The following ZNF223 variants were observed in gnomAD, a reference collection of about 807,000 sequenced individuals.
The protein encoded by ZNF223 is Homo sapiens zinc finger protein 223.
A neutral mutation model predicts 12.3 loss-of-function variants in ZNF223; 9 were observed. The ratio of observed to expected loss-of-function variants is 0.73; its 90% confidence interval spans 0.44 to 1.28. The LOEUF is 1.28. Among genes scored for constraint, ZNF223 ranks in the 50% most tolerant of loss-of-function variants. The pLI is 0.00. For synonymous variants in ZNF223, 171 were observed against 195.2 expected, an observed-to-expected ratio of 0.88 and a Z score of 1.03; for missense variants, 506 against 579.0, an observed-to-expected ratio of 0.87 and a Z score of 1.29.
chr19:44,059,723 G>T (rs1481257263), intron 2 of ZNF223, among the ~76,000 whole-genome samples: 1 of 152,156 alleles, frequency 6.6e-6, no homozygotes, highest in Non-Finnish European at 1.5e-5. Flanking sequence ...TGGTTGTTTG[G>T]CTCAGACCTT....
intron 1 of ZNF223, among the ~76,000 whole-genome samples, 175 bp downstream of exon 1, chr19:44,052,370 C>T (rs575184357): frequency 1.3e-5 from 2 of 152,266 alleles, no homozygotes; most frequent in African/African-American, 4.8e-5. Flanking sequence ...TGTGTACACT[C>T]TTTCTCGCAG....
At chr19:44,056,585 A>ATTTTTTTTTTTTTTTT (rs775187674) in intron 2 of ZNF223, among the ~76,000 whole-genome samples, 11 of 72,156 alleles carry the variant, frequency 1.5e-4, no homozygotes, top group African/African-American at 6.7e-4. Context: ...ATGCCTCACC[A>ATTTTTTTTTTTTTTTT]TTTTTTTTTT....
At chr19:44,063,527 C>G (rs925970320) in intron 4 of ZNF223, 1 of 152,280 alleles carries the variant, frequency 6.6e-6, no homozygotes, top group African/African-American at 2.4e-5. Flanking sequence ...GTCACATGAA[C>G]TGTGTGAAAG....
In ZNF223 at chr19:44,057,837, C is replaced by T. The variant is rs117327963; in HGVS notation, c.16-2618C>T. Among the ~76,000 whole-genome samples the T allele has an allele frequency of 1.2e-3, 185 of 152,336 alleles. 3 individuals carry two copies. The East Asian group carries it at 0.026, about 22-fold the overall frequency. On this transcript the variant is annotated intron_variant, in intron 2 of 4. Coordinates refer to ENST00000434772, the MANE Select transcript of ZNF223 (RefSeq NM_013361.6). Reference sequence around the variant, plus strand: ...GTTCACTGTGCACTGATTACCAACTCGTGTGAGTCCTGTGGGACAGAACAC... The same window carrying T: ...GTTCACTGTGCACTGATTACCAACTTGTGTGAGTCCTGTGGGACAGAACAC...
At position 44,060,683 on chromosome 19, in the gene ZNF223, A is replaced by G. The variant is rs559215051; in HGVS notation, c.143-66A>G. 4.7e-4 allele frequency: 756 copies of G among 1,613,768 alleles called. 9 individuals are homozygous for G. In the South Asian group the frequency reaches 7.4e-3, roughly 16 times the overall value. On this transcript the variant is annotated intron_variant, in intron 3 of 4. Coordinates refer to ENST00000434772, the MANE Select transcript of ZNF223 (RefSeq NM_013361.6). ...TGTGCAGTGGGAACCTAAATTTCCAATAAGTGTTACCGTGATATTATCTAG... is the reference window on the plus strand; with the variant it reads ...TGTGCAGTGGGAACCTAAATTTCCAGTAAGTGTTACCGTGATATTATCTAG...
rs932620995 is a variant in ZNF223 at position 44,066,337 on chromosome 19, G to C, written c.509G>C (p.Arg170Pro). 2 of 1,614,062 alleles carry C rather than the reference G, an allele frequency of 1.2e-6. No homozygotes were observed. Among genetic ancestry groups the C allele is most frequent in the Admixed American group, 1.7e-5 (1 of 60,010 alleles). Residue 170 changes from arginine to proline, a missense_variant, in exon 5 of 5, where the codon CGC becomes CCC. Coordinates refer to ENST00000434772, the MANE Select transcript of ZNF223 (RefSeq NM_013361.6). ...MSIFDLPQQIRSAEKSHSCDE... is the reference protein window; with the variant it reads ...MSIFDLPQQIPSAEKSHSCDE... ...ATCTTTGATCTTCCTCAGCAAATAC[G>C]CTCAGCAGAGAAGTCTCATTCCTGT... is the stretch of plus-strand genomic sequence containing the variant.
chr19:44,056,584 C>CTTTTTTTT (rs1568512087), intron 2 of ZNF223, among the ~76,000 whole-genome samples: 2 of 78,372 alleles, frequency 2.6e-5, no homozygotes, highest in Admixed American at 1.7e-4. Flanking sequence ...AATGCCTCAC[C>CTTTTTTTT]ATTTTTTTTT....
In ZNF223 at chr19:44,056,689, G is replaced by T. The variant is rs561097067; in HGVS notation, c.15+1498G>T. On this transcript the variant is annotated intron_variant, in intron 2 of 4. Transcript: ENST00000434772. ...GCTCACTGCCAGCTCTGCCTCCCGG[G>T]TTTACGCCGTTCTCCTGCCTCAGCC... Among the ~76,000 whole-genome samples the T allele has an allele frequency of 5.2e-5, 7 of 135,732 alleles. No homozygotes were observed. In the Admixed American group the frequency reaches 5.5e-4, roughly 11 times the overall value. The allele number at this position is 135,732 out of a possible 152,430, so 89.0% of individuals were successfully genotyped here. A position where few individuals can be genotyped will look rare whatever the true frequency, so the allele number is the denominator to read the frequency against.
intron 2 of ZNF223, among the ~76,000 whole-genome samples, chr19:44,056,676 C>T (rs1284471305): frequency 7.3e-6 from 1 of 137,082 alleles, no homozygotes; most frequent in African/African-American, 2.8e-5. Flanking sequence ...TCACTGCCAG[C>T]TCTGCCTCCC....
chr19:44,057,904 A>G (rs778712415), intron 2 of ZNF223, among the ~76,000 whole-genome samples: 1 of 152,212 alleles, frequency 6.6e-6, no homozygotes, highest in Non-Finnish European at 1.5e-5. Context: ...TTATTACTAC[A>G]GATTGGCAGC....
At position 44,060,544 on chromosome 19, in the gene ZNF223, T is replaced by A. The variant is rs1771418623; in HGVS notation, c.105T>A (p.Asp35Glu). 1 of 1,614,054 alleles carries A rather than the reference T, an allele frequency of 6.2e-7. No homozygotes were observed. Among genetic ancestry groups the A allele is most frequent in the Non-Finnish European group, 8.5e-7 (1 of 1,179,994 alleles). ...LDLAQRKLYRDVMLENFRNLL... is the reference protein window; with the variant it reads ...LDLAQRKLYREVMLENFRNLL... ...TTGCCCAGAGGAAGCTGTATCGAGA[T>A]GTGATGCTGGAGAACTTCAGGAACC... Residue 35 changes from aspartate to glutamate, a missense_variant, in exon 3 of 5, where the codon GAT (aspartate) becomes GAA (glutamate). Physicochemically the swap from Asp to Glu is conservative, Grantham distance 45 (BLOSUM62 2). Transcript: ENST00000434772.
At chr19:44,064,367 G>T (rs145153612) in intron 4 of ZNF223, among the ~76,000 whole-genome samples, 62 of 152,214 alleles carry the variant, frequency 4.1e-4, no homozygotes, top group African/African-American at 1.4e-3. Context: ...TGGACCTCTG[G>T]AAGGACAGCC....
rs115805067 is a variant in ZNF223 at position 44,057,761 on chromosome 19, T to G, written c.15+2570T>G. ...CAATAAGCATATGTGGTTTGTGCCTTGCGAGTACAGAAGACACACTGCATA... is the reference window on the plus strand; with the variant it reads ...CAATAAGCATATGTGGTTTGTGCCTGGCGAGTACAGAAGACACACTGCATA... On this transcript the variant is annotated intron_variant, in intron 2 of 4. Coordinates refer to ENST00000434772, the MANE Select transcript of ZNF223 (RefSeq NM_013361.6). Among the ~76,000 whole-genome samples the G allele has an allele frequency of 3.5e-3, 538 of 152,300 alleles. 2 individuals carry two copies. The highest frequency in any genetic ancestry group is 0.012 in the African/African-American group (508 of 41,566).
At position 44,067,316 on chromosome 19, in the gene ZNF223, A is replaced by G; in HGVS notation, c.*39A>G. 1 of 1,527,352 alleles carries G rather than the reference A, an allele frequency of 6.5e-7. No individual in the cohort carries two copies. The highest frequency in any genetic ancestry group is 1.2e-5 in the South Asian group (1 of 86,216). 94.6% of individuals were successfully genotyped at this position (1,527,352 alleles called of 1,614,324 possible). ...TTATGGGGTACAGTGTGATATTTAA[A>G]TATATGTATATGATGTATAATGATC... On this transcript the variant is annotated 3_prime_UTR_variant, in exon 5 of 5. Transcript: ENST00000434772.
chr19:44,067,225 A>G lies in ZNF223; in HGVS notation c.1397A>G (p.Lys466Arg). ...TGTGAAGACTGTGGGAAGCGCTACA[A>G]GAGGCGCTTGAATCTTGATATAATT... ...SKCEDCGKRY[K>R]RRLNLDIILS... The change falls in exon 5 of 5, where the codon AAG (lysine) becomes AGG (arginine). Residue 466 changes from lysine (K) to arginine (R), a missense_variant. By Grantham distance (26) the Lys-to-Arg change is conservative. Coordinates refer to ENST00000434772, the MANE Select transcript of ZNF223 (RefSeq NM_013361.6). The G allele has an allele frequency of 6.2e-7, 1 of 1,607,924 alleles. No homozygotes were observed. Among genetic ancestry groups the G allele is most frequent in the African/African-American group, 1.3e-5 (1 of 74,466 alleles).
At chr19:44,053,027 C>T (rs1736214602) in intron 1 of ZNF223, among the ~76,000 whole-genome samples, 1 of 152,008 alleles carries the variant, frequency 6.6e-6, no homozygotes, top group African/African-American at 2.4e-5. Context: ...GTCCTCTGCC[C>T]CACCCTTCAC....
chr19:44,061,384 G>T (rs1439791560), intron 4 of ZNF223, among the ~76,000 whole-genome samples: 1 of 152,198 alleles, frequency 6.6e-6, no homozygotes, highest in Non-Finnish European at 1.5e-5. Flanking sequence ...TTAGGGCTTT[G>T]TTCCTTTCTG....
chr19:44,059,365 T>A (rs1255251298), intron 2 of ZNF223, among the ~76,000 whole-genome samples: 1 of 152,154 alleles, frequency 6.6e-6, no homozygotes, highest in Non-Finnish European at 1.5e-5. Context: ...CAGCTCTCTC[T>A]CATGTGGCAG....
intron 2 of ZNF223, among the ~76,000 whole-genome samples, chr19:44,056,854 C>T (rs2147470584): frequency 6.6e-6 from 1 of 152,074 alleles, no homozygotes; most frequent in South Asian, 2.1e-4. Flanking sequence ...CTCGGCCTCC[C>T]AAAGTGCTGG....
Sources: allele counts gnomAD v4.1 joint callset (sites outside exome capture counted in the v4.1 genomes callset), GRCh38; gene constraint gnomAD v4.1.1; transcripts MANE v1.5; gene names NCBI Gene and HGNC (gene_info 2026-07-23, HGNC 2026-07-21).